The following C20orf96 variants were observed in gnomAD, a reference collection of about 807,000 sequenced individuals.
C20orf96 encodes uncharacterized protein C20orf96.
Under a neutral mutation model 52.6 loss-of-function variants are expected in C20orf96, and 57 were observed. The ratio of observed to expected loss-of-function variants is 1.08; its 90% CI spans 0.88 to 1.35. C20orf96 has a LOEUF of 1.35. Ranked by LOEUF, C20orf96 falls within the 40% of genes most tolerant of loss-of-function variation. C20orf96 has a pLI of 0.00. For missense variants in C20orf96, 478 were observed against 443.6 expected, an observed-to-expected ratio of 1.08 and a Z score of -0.70; for synonymous variants, 168 against 157.2, an observed-to-expected ratio of 1.07 and a Z score of -0.51.
At chr20:275,242 G>T (rs1243613005) in intron 10 of C20orf96, among the ~76,000 whole-genome samples, 1 of 152,170 alleles carries the variant, frequency 6.6e-6, no homozygotes, top group Admixed American at 6.5e-5. Context: ...CATGAGGGCG[G>T]GACCAAGGAC....
At chr20:288,720 G>A (rs952938947) in intron 3 of C20orf96, among the ~76,000 whole-genome samples, 10 of 152,290 alleles carry the variant, frequency 6.6e-5, no homozygotes, top group Non-Finnish European at 1.3e-4. Context: ...CAGGGGAGCT[G>A]ATCTAACATT....
At chr20:283,892 C>T (rs760156417) in intron 4 of C20orf96, 71 bp downstream of exon 4, 119 of 1,084,818 alleles carry the variant, frequency 1.1e-4, no homozygotes, top group Non-Finnish European at 1.5e-4. Flanking sequence ...AAGTTCTCAG[C>T]ACATGTTTGC....
intron 10 of C20orf96, among the ~76,000 whole-genome samples, chr20:272,594 G>A (rs948780562): frequency 3.3e-5 from 5 of 152,036 alleles, no homozygotes; most frequent in East Asian, 1.9e-4. Flanking sequence ...AGCCTCAAGC[G>A]ATCCTTCTTC....
At chr20:275,303 T>C (rs1002197350) in intron 10 of C20orf96, among the ~76,000 whole-genome samples, 1 of 151,616 alleles carries the variant, frequency 6.6e-6, no homozygotes, top group African/African-American at 2.4e-5. Context: ...ATAAATCCAA[T>C]AGTATTTTGT....
At chr20:289,899 C>T (rs1335001418) in intron 2 of C20orf96, among the ~76,000 whole-genome samples, 1 of 152,160 alleles carries the variant, frequency 6.6e-6, no homozygotes, top group Non-Finnish European at 1.5e-5. Flanking sequence ...TGTTAGCTAT[C>T]ACTTTTTTAA....
At chr20:290,563 A>ATTT (rs750461479) in intron 1 of C20orf96, 28 bp downstream of exon 1, 19,996 of 1,271,950 alleles carry the variant, frequency 0.016, 170 homozygotes, top group East Asian at 0.035. Flanking sequence ...CTTTCTTCCA[A>ATTT]TTTTTTTTTT....
chr20:276,923 G>C (rs1479667338), intron 8 of C20orf96, 44 bp from the exon 9 acceptor site: 4 of 1,611,696 alleles, frequency 2.5e-6, no homozygotes, highest in Non-Finnish European at 3.4e-6. Context: ...CCTCTTCCTG[G>C]GCAGCAGAAC....
Position 271,239 on chromosome 20 carries a change from TGAG to T in C20orf96, c.1057_1059del (p.Leu353del). On this transcript the variant is annotated inframe_deletion, in exon 11 of 11. Coordinates refer to ENST00000360321, the MANE Select transcript of C20orf96 (RefSeq NM_153269.3). ...GGTAGTGGCTCTTCCACAGGAATGT[TGAG>T]GATGACATCCATGTCTGGGGTGCAC... 2 of 1,556,710 alleles carry T rather than the reference TGAG, an allele frequency of 1.3e-6. No homozygotes were observed. The highest frequency in any genetic ancestry group is 1.7e-6 in the Non-Finnish European group (2 of 1,149,728).
At position 271,254 on chromosome 20, in the gene C20orf96, T is replaced by C; in HGVS notation, c.1045A>G (p.Met349Val). ...ACAGGAATGTTGAGGATGACATCCATGTCTGGGGTGCACCTGGTGGGAGGC... is the reference window on the plus strand; with the variant it reads ...ACAGGAATGTTGAGGATGACATCCACGTCTGGGGTGCACCTGGTGGGAGGC... ...LLRRPKCTPD[M>V]DVILNIPVEE... The change falls in exon 11 of 11, where the codon ATG (methionine) becomes GTG (valine). Residue 349 changes from methionine (M) to valine (V), a missense_variant. Physicochemically the swap from Met to Val is conservative, Grantham distance 21 (BLOSUM62 1). Coordinates refer to ENST00000360321, the MANE Select transcript of C20orf96 (RefSeq NM_153269.3). The C allele has an allele frequency of 2.6e-6, 4 of 1,555,534 alleles. No individual in the cohort carries two copies. The highest frequency in any genetic ancestry group is 3.5e-6 in the Non-Finnish European group (4 of 1,149,136).
At chr20:280,740 C>A (rs1365953428) in intron 4 of C20orf96, among the ~76,000 whole-genome samples, 2 of 152,200 alleles carry the variant, frequency 1.3e-5, no homozygotes, top group Non-Finnish European at 2.9e-5. Context: ...TGGTTCAAAT[C>A]CCAGCTCAGC....
rs948248222 is a variant in C20orf96, at chr20:290,265, C to T, written c.63G>A (p.Gln21=). The T allele has an allele frequency of 1.2e-6, 2 of 1,612,264 alleles. No homozygotes were observed. Among genetic ancestry groups the T allele is most frequent in the African/African-American group, 2.7e-5 (2 of 74,976 alleles). The part of the protein sequence containing the change: ...SGTHSIVQEF[Q]VPDYVPWQQS... ...CTAGTCCCCCAAGACTCACCGGAAC[C>T]TGGAACTCCTGGACTATGGAGTGAG... The change falls in exon 2 of 11, where the codon CAG becomes CAA. Residue 21 remains glutamine (Q), a synonymous_variant. Transcript: ENST00000360321.
rs543266519 is a variant in C20orf96 at position 272,793 on chromosome 20, T to C, written c.1032-1526A>G. On this transcript the variant is annotated intron_variant, in intron 10 of 10. Transcript: ENST00000360321. ...GGTTATTCTTGATACCTCCCTTTCC[T>C]GTACTTCCCAAGTCATGCAAGTCCT... 1.1e-3 allele frequency among the ~76,000 whole-genome samples: 160 copies of C among 152,344 alleles called. 1 individual carries two copies. Among genetic ancestry groups the C allele is most frequent in the Middle Eastern group, 3.4e-3 (1 of 294 alleles).
At chr20:273,397 G>A (rs2011902616) in intron 10 of C20orf96, among the ~76,000 whole-genome samples, 1 of 152,150 alleles carries the variant, frequency 6.6e-6, no homozygotes, top group African/African-American at 2.4e-5. Context: ...AGGTCCCTAG[G>A]GGCTGAGTTG....
intron 9 of C20orf96, chr20:276,339 G>A (rs1340392776): frequency 1.0e-6 from 1 of 985,268 alleles, no homozygotes; most frequent in East Asian, 1.1e-4. Flanking sequence ...AAGTGGCGGG[G>A]AATGCTCAAT....
intron 4 of C20orf96, among the ~76,000 whole-genome samples, chr20:283,673 T>C (rs944522035): frequency 2.3e-4 from 34 of 145,728 alleles, no homozygotes; most frequent in African/African-American, 8.2e-4. Context: ...TAACAAGCAA[T>C]TCTGATTATT....
At chr20:283,309 A>AT (rs982386935) in intron 4 of C20orf96, among the ~76,000 whole-genome samples, 88 of 148,400 alleles carry the variant, frequency 5.9e-4, no homozygotes, top group South Asian at 2.3e-3. Context: ...ATTTACTGGA[A>AT]TTTTTTTTTT....
At chr20:272,340 C>G (rs1327546456) in intron 10 of C20orf96, among the ~76,000 whole-genome samples, 3 of 152,048 alleles carry the variant, frequency 2.0e-5, no homozygotes, top group Non-Finnish European at 4.4e-5. Flanking sequence ...ATCAAACTTA[C>G]TGTCCAAGTC....
At chr20:290,432 C>A in intron 1 of C20orf96, 125 bp from the exon 2 acceptor site, 1 of 1,539,630 alleles carries the variant, frequency 6.5e-7, no homozygotes, top group Non-Finnish European at 8.8e-7. Context: ...AATAGCCCCG[C>A]GGGAGTGGGG....
At position 274,889 on chromosome 20, in the gene C20orf96, G is replaced by A. The variant is rs749329343; in HGVS notation, c.1031+1079C>T. On this transcript the variant is annotated intron_variant, in intron 10 of 10. Coordinates refer to ENST00000360321, the MANE Select transcript of C20orf96 (RefSeq NM_153269.3). ...GACTGGAATGCAGTGGCACAATCTC[G>A]GCTGACCGCAACCTCCGCCTTCCAG... 1.6e-4 allele frequency among the ~76,000 whole-genome samples: 24 copies of A among 151,738 alleles called. No homozygotes were observed. In the East Asian group the frequency reaches 3.1e-3, roughly 20 times the overall value.
Sources: gnomAD v4.1 joint callset for allele counts (sites outside exome capture counted in the v4.1 genomes callset) on GRCh38, gnomAD v4.1.1 for gene constraint, MANE v1.5 for transcripts, NCBI Gene and HGNC (gene_info 2026-07-23, HGNC 2026-07-21) for gene names.